Variants in SYNPR observed in about 807,000 individuals in gnomAD.
The protein encoded by SYNPR is synaptoporin.
A neutral mutation model predicts 32.9 loss-of-function variants in SYNPR; 23 were observed. The observed-to-expected ratio is 0.70, with a 90% CI of 0.50 to 0.99. SYNPR has a LOEUF of 0.99. Among genes scored for constraint, SYNPR ranks in the 50% least tolerant of loss-of-function variants. The pLI, the probability that SYNPR is intolerant of heterozygous loss-of-function variation, is 0.00. For synonymous variants in SYNPR, 146 were observed against 135.9 expected (o/e 1.07, Z -0.52); for missense variants, 318 against 349.3 (o/e 0.91, Z 0.71).
At chr3:63,280,014 C>T (rs1213690108) in intron 2 of SYNPR, among the ~76,000 whole-genome samples, 2 of 152,182 alleles carry the variant, frequency 1.3e-5, no homozygotes, top group African/African-American at 4.8e-5. Context: ...GAATTCTGCC[C>T]GCATTCATTC....
rs1051144849 is a variant in SYNPR at position 63,486,333 on chromosome 3, G to A, written c.209+5377G>A. On this transcript the variant is annotated intron_variant, in intron 3 of 5. Transcript: ENST00000478300. ...GAGCAGCCCTTACCCAATGACAAATGTGAGTTGGAGGATGACAATCCCAAC... is the reference window on the plus strand; with the variant it reads ...GAGCAGCCCTTACCCAATGACAAATATGAGTTGGAGGATGACAATCCCAAC... 1.8e-4 allele frequency among the ~76,000 whole-genome samples: 27 copies of A among 152,288 alleles called. 1 individual carries two copies. The highest frequency in any genetic ancestry group is 6.5e-4 in the African/African-American group (27 of 41,572).
chr3:63,583,744 C>T (rs578261710), intron 4 of SYNPR, among the ~76,000 whole-genome samples: 2 of 152,074 alleles, frequency 1.3e-5, no homozygotes, highest in African/African-American at 4.8e-5. Flanking sequence ...TCCCCATTTT[C>T]CAACATATGA....
At chr3:63,568,638 T>C (rs1203213291) in intron 4 of SYNPR, among the ~76,000 whole-genome samples, 1 of 152,164 alleles carries the variant, frequency 6.6e-6, no homozygotes, top group East Asian at 1.9e-4. Flanking sequence ...GTGGGCCTAG[T>C]TGATAGTGAC....
chr3:63,546,121 A>G (rs902612547), intron 3 of SYNPR, among the ~76,000 whole-genome samples: 30 of 152,106 alleles, frequency 2.0e-4, no homozygotes, highest in African/African-American at 6.5e-4. Flanking sequence ...AACGACCTCA[A>G]TATCTATTTT....
intron 2 of SYNPR, among the ~76,000 whole-genome samples, chr3:63,355,222 T>C (rs1193121557): frequency 6.7e-6 from 1 of 149,126 alleles, no homozygotes; most frequent in Non-Finnish European, 1.5e-5. Context: ...GAGGTTGCGG[T>C]GAGCCAAGAT....
chr3:63,371,768 G>A (rs2087815037), intron 2 of SYNPR, among the ~76,000 whole-genome samples: 1 of 152,168 alleles, frequency 6.6e-6, no homozygotes. Flanking sequence ...AACCACTCTG[G>A]CCCCACCTCA....
chr3:63,265,924 G>T (rs962943499), intron 2 of SYNPR, among the ~76,000 whole-genome samples: 1 of 152,150 alleles, frequency 6.6e-6, no homozygotes, highest in South Asian at 2.1e-4. Context: ...ATTTAAAGTG[G>T]ATGCATCAAT....
intron 2 of SYNPR, among the ~76,000 whole-genome samples, chr3:63,309,683 C>T (rs1355810586): frequency 1.3e-5 from 2 of 151,876 alleles, no homozygotes; most frequent in African/African-American, 4.8e-5. Flanking sequence ...ATCAGATATT[C>T]CCCCATCTAA....
At chr3:63,532,030 A>G (rs1378228761) in intron 3 of SYNPR, among the ~76,000 whole-genome samples, 1 of 152,152 alleles carries the variant, frequency 6.6e-6, no homozygotes, top group South Asian at 2.1e-4. Flanking sequence ...ATGACTTACG[A>G]TATCTTTCTC....
chr3:63,544,971 C>T (rs1702374708), intron 3 of SYNPR, among the ~76,000 whole-genome samples: 1 of 151,154 alleles, frequency 6.6e-6, no homozygotes, highest in Non-Finnish European at 1.5e-5. Context: ...GAGACTCGTC[C>T]AAGGTCAAAT....
intron 2 of SYNPR, among the ~76,000 whole-genome samples, chr3:63,301,680 A>G (rs1369522464): frequency 1.3e-5 from 2 of 152,100 alleles, no homozygotes; most frequent in Non-Finnish European, 2.9e-5. Flanking sequence ...TATGGCAGCA[A>G]GCTTGTGCTT....
chr3:63,317,182 C>T (rs1236918722), intron 2 of SYNPR, among the ~76,000 whole-genome samples: 1 of 151,894 alleles, frequency 6.6e-6, no homozygotes, highest in Non-Finnish European at 1.5e-5. Flanking sequence ...AAGTTCCATG[C>T]ACTGTTGAAT....
At chr3:63,492,841 C>A (rs1439712636) in intron 3 of SYNPR, among the ~76,000 whole-genome samples, 1 of 152,006 alleles carries the variant, frequency 6.6e-6, no homozygotes, top group African/African-American at 2.4e-5. Flanking sequence ...CTAGTTTTTT[C>A]CTTACATCTG....
At chr3:63,439,666 T>C (rs938724948) in intron 2 of SYNPR, among the ~76,000 whole-genome samples, 1 of 152,240 alleles carries the variant, frequency 6.6e-6, no homozygotes, top group Non-Finnish European at 1.5e-5. Flanking sequence ...ATCTTTTACA[T>C]GCCTTCCAAT....
At chr3:63,495,919 G>A (rs1701366102) in intron 3 of SYNPR, among the ~76,000 whole-genome samples, 1 of 150,910 alleles carries the variant, frequency 6.6e-6, no homozygotes, top group Non-Finnish European at 1.5e-5. Flanking sequence ...AGAATGTACA[G>A]CATCAAGAGT....
intron 3 of SYNPR, among the ~76,000 whole-genome samples, chr3:63,492,673 T>A (rs1701278043): frequency 6.6e-6 from 1 of 152,172 alleles, no homozygotes; most frequent in Admixed American, 6.5e-5. Context: ...AATCATTGTA[T>A]GCTGAGTGGG....
chr3:63,296,742 C>A (rs1271266251), intron 2 of SYNPR, among the ~76,000 whole-genome samples: 2 of 152,106 alleles, frequency 1.3e-5, no homozygotes, highest in Non-Finnish European at 2.9e-5. Flanking sequence ...CCAGTGGAAT[C>A]TCAAATAATT....
chr3:63,235,078 C>T (rs1460984961), intron 1 of SYNPR, among the ~76,000 whole-genome samples: 1 of 152,144 alleles, frequency 6.6e-6, no homozygotes, highest in African/African-American at 2.4e-5. Flanking sequence ...TTTATTTGTA[C>T]TCATCTGTGT....
At chr3:63,493,815 CAAAAAAAAAAA>C (rs3083190) in intron 3 of SYNPR, among the ~76,000 whole-genome samples, 2 of 75,094 alleles carry the variant, frequency 2.7e-5, no homozygotes, top group Admixed American at 3.4e-4. Flanking sequence ...GACTCTGTCT[CAAAAAAAAAAA>C]AAAAAAAAAA....
Sources: gnomAD v4.1 joint callset for allele counts (sites outside exome capture counted in the v4.1 genomes callset) on GRCh38, gnomAD v4.1.1 for gene constraint, MANE v1.5 for transcripts, NCBI Gene and HGNC (gene_info 2026-07-23, HGNC 2026-07-21) for gene names.